The following WDR7 variants were observed in gnomAD, a reference collection of about 807,000 sequenced individuals.
WDR7 encodes WD repeat domain 7.
WDR7 carries 46 observed loss-of-function variants against 169.4 expected under a neutral mutation model. The ratio of observed to expected loss-of-function variants is 0.27; its 90% CI spans 0.21 to 0.35. WDR7 has a LOEUF of 0.35. WDR7 is among the 10% of genes least tolerant of loss of function. WDR7 has a pLI of 1.00. For missense variants in WDR7, 1,534 were observed against 1,859.3 expected, an observed-to-expected ratio of 0.83 and a Z score of 3.22; for synonymous variants, 612 against 666.8, an observed-to-expected ratio of 0.92 and a Z score of 1.27.
At chr18:56,974,357 T>C (rs2047534800) in intron 26 of WDR7, among the ~76,000 whole-genome samples, 1 of 148,378 alleles carries the variant, frequency 6.7e-6, no homozygotes, top group Non-Finnish European at 1.5e-5. Flanking sequence ...TCTTTGCTTT[T>C]CTTGCTTTTT....
chr18:56,739,196 T>G (rs572500146), intron 14 of WDR7, among the ~76,000 whole-genome samples: 73 of 152,262 alleles, frequency 4.8e-4, no homozygotes, highest in Non-Finnish European at 9.3e-4. Context: ...TTTATTTCTA[T>G]TTTTTCTTGG....
intron 2 of WDR7, among the ~76,000 whole-genome samples, chr18:56,678,787 A>G (rs542532957): frequency 3.9e-5 from 6 of 152,080 alleles, no homozygotes; most frequent in Admixed American, 2.0e-4. Context: ...GAGGCACCGC[A>G]CCCAGCAGCA....
At chr18:56,871,352 C>T (rs1168911266) in intron 20 of WDR7, among the ~76,000 whole-genome samples, 1 of 152,082 alleles carries the variant, frequency 6.6e-6, no homozygotes, top group Non-Finnish European at 1.5e-5. Context: ...CTAGCTTAAT[C>T]CAAATTATTT....
chr18:56,848,508 A>G (rs2045597794), intron 20 of WDR7, among the ~76,000 whole-genome samples: 1 of 152,142 alleles, frequency 6.6e-6, no homozygotes, highest in Non-Finnish European at 1.5e-5. Flanking sequence ...TGAGAAGGAC[A>G]TAAGATTAGG....
chr18:56,738,244 T>C (rs966166832), intron 14 of WDR7, among the ~76,000 whole-genome samples: 1 of 152,192 alleles, frequency 6.6e-6, no homozygotes, highest in South Asian at 2.1e-4. Context: ...AACATGCTTC[T>C]TATTAGCTTT....
intron 1 of WDR7, among the ~76,000 whole-genome samples, chr18:56,662,303 A>T (rs1315715244): frequency 6.6e-6 from 1 of 152,240 alleles, no homozygotes; most frequent in Non-Finnish European, 1.5e-5. Context: ...CTAGACAAAC[A>T]GTGTGGAGGA....
At chr18:57,004,352 T>G (rs2048025661) in intron 26 of WDR7, among the ~76,000 whole-genome samples, 1 of 152,110 alleles carries the variant, frequency 6.6e-6, no homozygotes, top group African/African-American at 2.4e-5. Context: ...GACAATTAAG[T>G]TCCTTGGGGC....
chr18:56,792,421 A>G (rs2044503713), intron 19 of WDR7, among the ~76,000 whole-genome samples: 1 of 152,172 alleles, frequency 6.6e-6, no homozygotes, highest in Admixed American at 6.5e-5. Context: ...TGTTAGCTGT[A>G]ACCCCAGAGA....
At chr18:56,915,597 T>C (rs1269005600) in intron 21 of WDR7, among the ~76,000 whole-genome samples, 2 of 152,142 alleles carry the variant, frequency 1.3e-5, no homozygotes, top group Non-Finnish European at 2.9e-5. Context: ...GGAATGAAAT[T>C]GTCTTAACTA....
chr18:57,035,494 G>A, the WDR7 span: 32,154 of 152,354 alleles, frequency 0.21, 3,836 homozygotes, highest in Non-Finnish European at 0.27. Context: ...GGAAAGCTCA[G>A]AGTGAGGAGA....
intron 22 of WDR7, among the ~76,000 whole-genome samples, chr18:56,934,455 T>C (rs2046930894): frequency 6.6e-6 from 1 of 151,880 alleles, no homozygotes; most frequent in South Asian, 2.1e-4. Flanking sequence ...CATTGTTCAA[T>C]ATGTGTGTGT....
At chr18:56,776,656 C>T (rs1048170010) in intron 16 of WDR7, 126 bp from the exon 17 acceptor site, 3 of 737,678 alleles carry the variant, frequency 4.1e-6, no homozygotes, top group South Asian at 1.6e-5. Context: ...ATGAAAACAT[C>T]GTTTCAGTTC....
chr18:56,856,320 G>C (rs2045721243), intron 20 of WDR7, among the ~76,000 whole-genome samples: 1 of 152,168 alleles, frequency 6.6e-6, no homozygotes, highest in South Asian at 2.1e-4. Flanking sequence ...GATCACTTGA[G>C]GTCAGGAGTT....
At chr18:56,725,905 A>G (rs2026439996) in intron 13 of WDR7, among the ~76,000 whole-genome samples, 1 of 152,208 alleles carries the variant, frequency 6.6e-6, no homozygotes, top group African/African-American at 2.4e-5. Flanking sequence ...CATTTGTTAA[A>G]TAGGGAATCC....
chr18:56,913,022 A>G (rs983127867), intron 21 of WDR7, among the ~76,000 whole-genome samples: 3 of 151,910 alleles, frequency 2.0e-5, no homozygotes, highest in Non-Finnish European at 2.9e-5. Flanking sequence ...CTGCAGGTAC[A>G]CACACCATGC....
intron 21 of WDR7, among the ~76,000 whole-genome samples, chr18:56,898,246 C>T (rs1256992878): frequency 6.6e-6 from 1 of 151,774 alleles, no homozygotes; most frequent in Non-Finnish European, 1.5e-5. Flanking sequence ...CCCATGAAGC[C>T]ATACTATTAG....
At chr18:56,655,476 C>G (rs943826813) in intron 1 of WDR7, among the ~76,000 whole-genome samples, 1 of 151,988 alleles carries the variant, frequency 6.6e-6, no homozygotes, top group Non-Finnish European at 1.5e-5. Context: ...GAAAATTAGT[C>G]TGGTGTGGTT....
rs748697194 is a variant in WDR7 at position 56,756,853 on chromosome 18, A to G, written c.2260A>G (p.Ile754Val). 6.2e-7 allele frequency: 1 copy of G among 1,614,152 alleles called. No homozygotes were observed. Among genetic ancestry groups the G allele is most frequent in the Admixed American group, 1.7e-5 (1 of 59,996 alleles). The change falls in exon 15 of 28, where the codon ATC becomes GTC. Residue 754 changes from isoleucine to valine, a missense_variant. By Grantham distance (29) the Ile-to-Val change is conservative (BLOSUM62 3). Transcript: ENST00000254442. ...QQVKETIKEN[I>V]KEHLLDDEEE... ...AGTGAAAGAAACGATCAAAGAGAAC[A>G]TCAAGGAACACCTCCTTGATGATGA... is the stretch of plus-strand genomic sequence containing the variant.
intron 19 of WDR7, among the ~76,000 whole-genome samples, chr18:56,791,375 C>T (rs921726899): frequency 4.6e-5 from 7 of 152,050 alleles, no homozygotes; most frequent in Admixed American, 2.0e-4. Flanking sequence ...TCTGGCATAT[C>T]TTATAGATAC....
Sources: allele counts gnomAD v4.1 joint callset (sites outside exome capture counted in the v4.1 genomes callset), GRCh38; gene constraint gnomAD v4.1.1; transcripts MANE v1.5; gene names NCBI Gene and HGNC (gene_info 2026-07-23, HGNC 2026-07-21).